KALRN: variants seen among roughly 807,000 people sequenced by gnomAD.
KALRN encodes the protein kalirin RhoGEF kinase.
In KALRN, 70 loss-of-function variants were observed where a neutral mutation model predicts 353.7. That is an observed-to-expected ratio of 0.20 (90% CI 0.16 to 0.24). The LOEUF (loss-of-function observed/expected upper bound fraction) is 0.24. Among genes scored for constraint, KALRN ranks in the 10% least tolerant of loss-of-function variants. The pLI, the probability that KALRN is intolerant of heterozygous loss-of-function variation, is 1.00. For missense variants in KALRN, 2,791 were observed against 3,756.7 expected, an observed-to-expected ratio of 0.74 and a Z score of 6.72; for synonymous variants, 1,391 against 1,434.8, an observed-to-expected ratio of 0.97 and a Z score of 0.69.
At chr3:124,319,611 A>AT (rs2079120821) in intron 6 of KALRN, among the ~76,000 whole-genome samples, 1 of 148,856 alleles carries the variant, frequency 6.7e-6, no homozygotes, top group Admixed American at 6.7e-5. Flanking sequence ...TATACCAAAA[A>AT]TTTTTTTAAC....
At chr3:124,225,587 C>T (rs140807413) in intron 1 of KALRN, among the ~76,000 whole-genome samples, 41 of 152,302 alleles carry the variant, frequency 2.7e-4, no homozygotes, top group African/African-American at 9.9e-4. Context: ...ACAAGCTGCA[C>T]ACCTTCTCTC....
rs189603598 is a variant in KALRN at position 124,495,283 on chromosome 3, C to A, written c.4833-1028C>A. ...TGTATCGATAAGAAATCATTATAAA[C>A]ATGCATGAGATCCTCAAAACCCAGC... On this transcript the variant is annotated intron_variant, in intron 32 of 59. Coordinates refer to ENST00000682506, the MANE Select transcript of KALRN (RefSeq NM_001388419.1). 3.3e-5 allele frequency among the ~76,000 whole-genome samples: 5 copies of A among 152,268 alleles called. No individual in the cohort carries two copies. The East Asian group carries it at 9.6e-4, about 29-fold the overall frequency.
intron 33 of KALRN, among the ~76,000 whole-genome samples, chr3:124,498,263 T>C (rs147497297): frequency 6.6e-6 from 1 of 152,218 alleles, no homozygotes; most frequent in African/African-American, 2.4e-5. Context: ...GAAGCACCCA[T>C]CATGTGCCAA....
rs531215239 is a variant in KALRN at position 124,530,624 on chromosome 3, C to T, written c.4936-32219C>T. On this transcript the variant is annotated intron_variant, in intron 33 of 59. Coordinates refer to ENST00000682506, the MANE Select transcript of KALRN (RefSeq NM_001388419.1). ...CAAGCTAGTCTCAAACTCCTGACTT[C>T]AAGTAATCCTCAGCCTCCCAAAGTG... Among the ~76,000 whole-genome samples the T allele has an allele frequency of 4.0e-4, 61 of 152,126 alleles. 1 individual carries two copies. Among genetic ancestry groups the T allele is most frequent in the Non-Finnish European group, 7.6e-4 (52 of 68,032 alleles).
chr3:124,438,342 G>A (rs137987173), intron 17 of KALRN, among the ~76,000 whole-genome samples: 1 of 152,164 alleles, frequency 6.6e-6, no homozygotes, highest in East Asian at 1.9e-4. Context: ...TTGTAATAGA[G>A]GTTCTGGAGA....
chr3:124,082,976 T>C (rs2060621671), intron 1 of KALRN, among the ~76,000 whole-genome samples: 1 of 152,248 alleles, frequency 6.6e-6, no homozygotes. Context: ...TTCCTTCTGG[T>C]ACTTGGTTGA....
chr3:124,201,719 G>A (rs1286282445), intron 1 of KALRN, among the ~76,000 whole-genome samples: 2 of 152,202 alleles, frequency 1.3e-5, no homozygotes, highest in Non-Finnish European at 2.9e-5. Context: ...TAATCTAATG[G>A]AGGACACTGA....
At chr3:124,671,452 C>G (rs780373378) in intron 47 of KALRN, among the ~76,000 whole-genome samples, 3 of 152,200 alleles carry the variant, frequency 2.0e-5, no homozygotes, top group Non-Finnish European at 2.9e-5. Context: ...TTTGCACAAC[C>G]CTTGGCACCT....
intron 2 of KALRN, among the ~76,000 whole-genome samples, chr3:124,231,711 A>AT (rs71145439): frequency 0.31 from 46,639 of 149,258 alleles, 8,433 homozygotes; most frequent in Non-Finnish European, 0.42. Context: ...AAAGAACTTT[A>AT]TTTTTTTTTT....
chr3:124,256,795 A>T (rs573002367), intron 3 of KALRN, among the ~76,000 whole-genome samples: 1 of 152,158 alleles, frequency 6.6e-6, no homozygotes, highest in Non-Finnish European at 1.5e-5. Context: ...GAAGTTTGAG[A>T]TGTGGCTGCC....
At chr3:124,086,055 A>G (rs1052147641) in intron 1 of KALRN, among the ~76,000 whole-genome samples, 1 of 152,298 alleles carries the variant, frequency 6.6e-6, no homozygotes, top group East Asian at 1.9e-4. Context: ...AATGGTTTCT[A>G]AGTATAATGT....
In KALRN at chr3:124,257,655, C is replaced by A. The variant is rs530465251; in HGVS notation, c.264-6843C>A. The stretch of plus-strand genomic sequence containing the variant: ...TGTAATTTATCACAAAGGGTGAGAA[C>A]CTGGCCAAGGGGGCCTCAGGGGACC... On this transcript the variant is annotated intron_variant, in intron 3 of 59. Transcript: ENST00000682506. 4.6e-5 allele frequency among the ~76,000 whole-genome samples: 7 copies of A among 152,184 alleles called. No individual in the cohort carries two copies. In the East Asian group the frequency reaches 1.4e-3, roughly 29 times the overall value.
At chr3:124,552,977 G>A (rs1429656611) in intron 33 of KALRN, among the ~76,000 whole-genome samples, 1 of 152,144 alleles carries the variant, frequency 6.6e-6, no homozygotes, top group African/African-American at 2.4e-5. Context: ...TGTTGACCAG[G>A]CTGGTCTCGA....
intron 33 of KALRN, among the ~76,000 whole-genome samples, chr3:124,540,203 G>A (rs1239721253): frequency 6.6e-6 from 1 of 152,172 alleles, no homozygotes; most frequent in Non-Finnish European, 1.5e-5. Context: ...ACAGGTGTAA[G>A]CCACTGCACC....
At chr3:124,047,875 G>C (rs2149124768) in intron 1 of KALRN, among the ~76,000 whole-genome samples, 1 of 152,080 alleles carries the variant, frequency 6.6e-6, no homozygotes, top group Admixed American at 6.5e-5. Context: ...TAGACCATTT[G>C]AAAAATGTGA....
chr3:124,564,347 C>T lies in KALRN; in HGVS notation c.5182+1258C>T, dbSNP rs141841367. ...GCAGTGAGCTATGATTGCATCGCTG[C>T]GCTCCAACCTGGCTGACAGAGAAAG... On this transcript the variant is annotated intron_variant, in intron 34 of 59. Coordinates refer to ENST00000682506, the MANE Select transcript of KALRN (RefSeq NM_001388419.1). Among the ~76,000 whole-genome samples the T allele has an allele frequency of 9.2e-5, 14 of 152,124 alleles. No individual in the cohort carries two copies. In the East Asian group the frequency reaches 1.2e-3, roughly 13 times the overall value.
intron 5 of KALRN, among the ~76,000 whole-genome samples, chr3:124,293,922 C>T (rs776510474): frequency 6.6e-6 from 1 of 152,104 alleles, no homozygotes; most frequent in Non-Finnish European, 1.5e-5. Context: ...CTATGACCAA[C>T]TCATAGTATT....
rs1433558735 is a variant in KALRN, at chr3:124,496,014, C to CATATATAT, written c.4833-296_4833-295insTATATATA. ...ATATATATATATATATATATATATACACACACATATATACATACATACACC... is the reference window on the plus strand; with the variant it reads ...ATATATATATATATATATATATATACATATATATACACACATATATACATACATACACC... On this transcript the variant is annotated intron_variant, in intron 32 of 59. Coordinates refer to ENST00000682506, the MANE Select transcript of KALRN (RefSeq NM_001388419.1). Among the ~76,000 whole-genome samples the CATATATAT allele has an allele frequency of 4.2e-3, 114 of 27,440 alleles. 13 individuals are homozygous for CATATATAT. The highest frequency in any genetic ancestry group is 0.031 in the Middle Eastern group (2 of 64). The allele number at this position is 27,440 out of a possible 152,430, so 18.0% of individuals were successfully genotyped here. A position where few individuals can be genotyped will look rare whatever the true frequency, so the allele number is the denominator to read the frequency against.
chr3:124,349,556 G>T (rs1407616792), intron 10 of KALRN, among the ~76,000 whole-genome samples: 1 of 152,142 alleles, frequency 6.6e-6, no homozygotes, highest in Non-Finnish European at 1.5e-5. Flanking sequence ...GGACACCCCT[G>T]GTTTAATTGA....
Sources: gnomAD v4.1 joint callset for allele counts (sites outside exome capture counted in the v4.1 genomes callset) on GRCh38, gnomAD v4.1.1 for gene constraint, MANE v1.5 for transcripts, NCBI Gene and HGNC (gene_info 2026-07-23, HGNC 2026-07-21) for gene names.